STPG2: variants seen among roughly 807,000 people sequenced by gnomAD.
STPG2 encodes the protein sperm-tail PG-rich repeat-containing protein 2.
In STPG2, 56 loss-of-function variants were observed where a neutral mutation model predicts 54.2. The ratio of observed to expected loss-of-function variants is 1.03; its 90% CI spans 0.83 to 1.29. The LOEUF is 1.29. Among genes scored for constraint, STPG2 ranks in the 50% most tolerant of loss-of-function variants. STPG2 has a pLI of 0.00. For synonymous variants in STPG2, 200 were observed against 181.8 expected (o/e 1.10, Z -0.81); for missense variants, 596 against 544.9 (o/e 1.09, Z -0.93).
At chr4:97,738,752 C>CAAA (rs1282298101) in intron 9 of STPG2, among the ~76,000 whole-genome samples, 3 of 152,046 alleles carry the variant, frequency 2.0e-5, no homozygotes, top group African/African-American at 7.3e-5. Context: ...GACTCCCACA[C>CAAA]AATAATAATG....
chr4:97,709,099 T>C (rs574557676), intron 10 of STPG2, among the ~76,000 whole-genome samples: 2 of 151,902 alleles, frequency 1.3e-5, no homozygotes, highest in South Asian at 4.2e-4. Context: ...AACTTCTAAG[T>C]GCACAATTTT....
At chr4:97,577,433 A>C (rs1732751023) in intron 10 of STPG2, among the ~76,000 whole-genome samples, 1 of 152,184 alleles carries the variant, frequency 6.6e-6, no homozygotes, top group Admixed American at 6.6e-5. Context: ...CACTTTTTGC[A>C]GCAACATGGA....
At chr4:98,013,920 C>T (rs1014647909) in intron 5 of STPG2, among the ~76,000 whole-genome samples, 1 of 151,998 alleles carries the variant, frequency 6.6e-6, no homozygotes, top group African/African-American at 2.4e-5. Context: ...AAACAAACAG[C>T]TCCTGGATTC....
At chr4:97,902,965 G>T (rs1423632972) in intron 8 of STPG2, among the ~76,000 whole-genome samples, 1 of 152,028 alleles carries the variant, frequency 6.6e-6, no homozygotes, top group African/African-American at 2.4e-5. Context: ...ATATTATTCA[G>T]CCTTTAAAAA....
chr4:97,638,650 A>G (rs1222894417), intron 10 of STPG2, among the ~76,000 whole-genome samples: 2 of 143,146 alleles, frequency 1.4e-5, no homozygotes, highest in Non-Finnish European at 3.0e-5. Context: ...ATTTACAAGA[A>G]AAAAACAAAC....
At chr4:97,499,464 T>C (rs140011332) in intron 4 of STPG2, among the ~76,000 whole-genome samples, 1 of 151,668 alleles carries the variant, frequency 6.6e-6, no homozygotes, top group African/African-American at 2.4e-5. Context: ...TCTAGTTTTA[T>C]GGAATTTACA....
intron 4 of STPG2, among the ~76,000 whole-genome samples, chr4:97,498,350 T>C (rs1730654646): frequency 6.6e-6 from 1 of 151,928 alleles, no homozygotes; most frequent in South Asian, 2.1e-4. Context: ...ACAAAGTCCA[T>C]GTTCCTCAAA....
chr4:98,022,469 CT>C, intron 5 of STPG2, among the ~76,000 whole-genome samples: 1 of 152,164 alleles, frequency 6.6e-6, no homozygotes, highest in South Asian at 2.1e-4. Flanking sequence ...TTCATTTCAA[CT>C]TTGGTGAATC....
At chr4:97,466,923 AAAGAT>A (rs1258589413) in intron 4 of STPG2, among the ~76,000 whole-genome samples, 1 of 152,076 alleles carries the variant, frequency 6.6e-6, no homozygotes, top group Admixed American at 6.6e-5. Context: ...AGAGTTTGTT[AAAGAT>A]ATTTGCAATA....
chr4:97,442,858 CT>C (rs953120119), intron 4 of STPG2, among the ~76,000 whole-genome samples: 1 of 152,002 alleles, frequency 6.6e-6, no homozygotes, highest in African/African-American at 2.4e-5. Context: ...AGGGTGTGTG[CT>C]TTTTATAGAA....
chr4:98,043,990 C>G (rs1479331021), intron 5 of STPG2, among the ~76,000 whole-genome samples: 1 of 151,936 alleles, frequency 6.6e-6, no homozygotes, highest in Non-Finnish European at 1.5e-5. Context: ...GTTCTCATCA[C>G]TTAGCTCCCA....
chr4:97,738,216 A>T (rs1184203522), intron 9 of STPG2, among the ~76,000 whole-genome samples: 5 of 152,214 alleles, frequency 3.3e-5, no homozygotes, highest in Non-Finnish European at 4.4e-5. Context: ...AGGAAGCACT[A>T]AACGTGGAAA....
chr4:98,111,300 G>C (rs1739341531), intron 3 of STPG2, among the ~76,000 whole-genome samples: 1 of 152,104 alleles, frequency 6.6e-6, no homozygotes, highest in African/African-American at 2.4e-5. Context: ...TAGCGAGTAG[G>C]GGGCAATTCT....
intron 10 of STPG2, among the ~76,000 whole-genome samples, chr4:97,626,148 AAAT>A (rs2148928610): frequency 6.6e-6 from 1 of 152,284 alleles, no homozygotes; most frequent in South Asian, 2.1e-4. Context: ...TCTTAATATA[AAAT>A]AATATTTTTA....
chr4:97,914,012 G>T (rs1327214475), intron 8 of STPG2, among the ~76,000 whole-genome samples: 1 of 152,024 alleles, frequency 6.6e-6, no homozygotes, highest in African/African-American at 2.4e-5. Flanking sequence ...TCAGAATAAG[G>T]TACTAAAAGT....
At chr4:97,471,717 C>G (rs1014786210) in intron 4 of STPG2, among the ~76,000 whole-genome samples, 1 of 151,892 alleles carries the variant, frequency 6.6e-6, no homozygotes, top group Admixed American at 6.6e-5. Flanking sequence ...TTTAAGACAA[C>G]GTTTTAATGT....
intron 9 of STPG2, among the ~76,000 whole-genome samples, chr4:97,821,584 C>G (rs1480127924): frequency 6.6e-6 from 1 of 152,220 alleles, no homozygotes; most frequent in African/African-American, 2.4e-5. Context: ...TAGAGTTTCT[C>G]TGTGAGGGCT....
intron 9 of STPG2, among the ~76,000 whole-genome samples, chr4:97,764,938 A>G (rs1725993936): frequency 6.6e-6 from 1 of 152,154 alleles, no homozygotes; most frequent in African/African-American, 2.4e-5. Context: ...ATACAGAATG[A>G]CTATGCAGGG....
chr4:97,550,641 C>T (rs1168392136), intron 4 of STPG2, among the ~76,000 whole-genome samples: 3 of 152,012 alleles, frequency 2.0e-5, no homozygotes, highest in Non-Finnish European at 2.9e-5. Context: ...TTCTTGGTCT[C>T]GCTAACTTCA....
Sources: gnomAD v4.1 joint callset for allele counts (sites outside exome capture counted in the v4.1 genomes callset) on GRCh38, gnomAD v4.1.1 for gene constraint, MANE v1.5 for transcripts, NCBI Gene and HGNC (gene_info 2026-07-23, HGNC 2026-07-21) for gene names.